The following MORC3 variants were observed in gnomAD, a reference collection of about 807,000 sequenced individuals.
MORC3 encodes the protein MORC family CW-type zinc finger protein 3.
Under a neutral mutation model 109.1 loss-of-function variants are expected in MORC3, and 31 were observed. The ratio of observed to expected loss-of-function variants is 0.28; its 90% CI spans 0.21 to 0.38. MORC3 has a LOEUF of 0.38. Among genes scored for constraint, MORC3 ranks in the 10% least tolerant of loss-of-function variants. MORC3 has a pLI of 1.00. For synonymous variants in MORC3, 395 were observed against 380.7 expected (o/e 1.04, Z -0.44); for missense variants, 867 against 1,135.8 (o/e 0.76, Z 3.40).
At chr21:36,355,967 A>G (rs1401256955) in intron 9 of MORC3, among the ~76,000 whole-genome samples, 5 of 152,098 alleles carry the variant, frequency 3.3e-5, no homozygotes, top group Admixed American at 6.6e-5. Context: ...GTGTTTTTCA[A>G]GGTTTACAGT....
In MORC3 at chr21:36,375,525, T is replaced by G. The variant is rs989023633; in HGVS notation, c.*229T>G. On this transcript the variant is annotated 3_prime_UTR_variant, in exon 17 of 17. Coordinates refer to ENST00000400485, the MANE Select transcript of MORC3 (RefSeq NM_015358.3). ...AGCAGCTGAAGCTAACTCATGACTC[T>G]GTTTTGAATGTAAATATTTGTAATT... is the stretch of plus-strand genomic sequence containing the variant. The G allele has an allele frequency of 5.3e-6, 2 of 378,550 alleles. No homozygotes were observed. The highest frequency in any genetic ancestry group is 4.4e-5 in the Admixed American group (1 of 22,824). 23.4% of individuals were successfully genotyped at this position (378,550 alleles called of 1,614,324 possible). A position where few individuals can be genotyped will look rare whatever the true frequency, so the allele number is the denominator to read the frequency against.
intron 6 of MORC3, among the ~76,000 whole-genome samples, chr21:36,342,883 G>T (rs1180656569): frequency 6.6e-6 from 1 of 151,614 alleles, no homozygotes; most frequent in Admixed American, 6.6e-5. Context: ...GCTGGGCACG[G>T]TTGCGGGAGC....
chr21:36,328,444 T>G (rs1467814519), intron 1 of MORC3, among the ~76,000 whole-genome samples: 1 of 149,984 alleles, frequency 6.7e-6, no homozygotes, highest in East Asian at 2.0e-4. Flanking sequence ...TGGGTTCAAG[T>G]GATTCTCCCG....
chr21:36,329,130 C>G (rs2085283778), intron 1 of MORC3, among the ~76,000 whole-genome samples: 1 of 151,674 alleles, frequency 6.6e-6, no homozygotes, highest in South Asian at 2.1e-4. Context: ...ATGTCTCTAC[C>G]AAAAATACAA....
intron 10 of MORC3, among the ~76,000 whole-genome samples, chr21:36,359,556 C>CTTTTTTTTTTTTTTTTTTTTTT (rs5843757): frequency 4.3e-5 from 4 of 93,952 alleles, no homozygotes; most frequent in East Asian, 3.2e-4. Flanking sequence ...CTTTCCTCTC[C>CTTTTTTTTTTTTTTTTTTTTTT]TTTTTTTTTT....
intron 14 of MORC3, among the ~76,000 whole-genome samples, chr21:36,366,344 A>G (rs2085781364): frequency 6.6e-6 from 1 of 152,048 alleles, no homozygotes. Flanking sequence ...AGCTGCATTC[A>G]TGTTGTTGCA....
intron 1 of MORC3, among the ~76,000 whole-genome samples, chr21:36,320,881 G>T (rs1406689950): frequency 6.6e-6 from 1 of 152,198 alleles, no homozygotes; most frequent in Non-Finnish European, 1.5e-5. Flanking sequence ...ATCCCGCGTT[G>T]CGTCTGTTTT....
chr21:36,332,122 CAGAG>C (rs2085322785), intron 1 of MORC3, among the ~76,000 whole-genome samples: 1 of 150,896 alleles, frequency 6.6e-6, no homozygotes, highest in Admixed American at 6.6e-5. Flanking sequence ...GCCTGGGCAG[CAGAG>C]AGAGACTATC....
chr21:36,323,879 GTT>G (rs533635032), intron 1 of MORC3, among the ~76,000 whole-genome samples: 1 of 143,948 alleles, frequency 6.9e-6, no homozygotes, highest in Non-Finnish European at 1.5e-5. Context: ...TTACCATAGT[GTT>G]TTTTTTTTTT....
At chr21:36,339,797 A>G (rs890714443) in intron 5 of MORC3, among the ~76,000 whole-genome samples, 11 of 152,234 alleles carry the variant, frequency 7.2e-5, no homozygotes, top group Admixed American at 1.3e-4. Context: ...TAAAGAACTG[A>G]AAAAACTTGT....
rs771927901 is a variant in MORC3 at position 36,369,282 on chromosome 21, A to G, written c.1914A>G (p.Ala638=). The change falls in exon 15 of 17, where the codon GCA becomes GCG. Residue 638 remains alanine, a synonymous_variant. Coordinates refer to ENST00000400485, the MANE Select transcript of MORC3 (RefSeq NM_015358.3). The part of the protein sequence containing the change: ...SSSRCDQGNT[A]ATQTEVPSLV... ...CCCGATGCGACCAGGGAAATACTGC[A>G]GCTACCCAGACTGAAGTACCAAGTT... The G allele has an allele frequency of 1.2e-6, 2 of 1,614,242 alleles. No homozygotes were observed. The highest frequency in any genetic ancestry group is 1.7e-6 in the Non-Finnish European group (2 of 1,180,050).
intron 9 of MORC3, among the ~76,000 whole-genome samples, chr21:36,351,261 G>C (rs528920378): frequency 1.3e-5 from 2 of 151,788 alleles, no homozygotes; most frequent in African/African-American, 4.8e-5. Flanking sequence ...TAGAGATGGG[G>C]TTTACTATTT....
At position 36,338,832 on chromosome 21, in the gene MORC3, T is replaced by C. The variant is rs1488552790; in HGVS notation, c.519T>C (p.Ser173=). Residue 173 remains serine, a synonymous_variant, in exon 5 of 17, where the codon TCT becomes TCC. Coordinates refer to ENST00000400485, the MANE Select transcript of MORC3 (RefSeq NM_015358.3). ...KASLAAILEH[S]LFSTEQKLLA... Reference sequence around the variant, plus strand: ...GCCTTGCTGCAATTCTGGAACATTCTCTGTTTTCCACGGAACAGAAGTTAC... The same window carrying C: ...GCCTTGCTGCAATTCTGGAACATTCCCTGTTTTCCACGGAACAGAAGTTAC... 5.6e-6 allele frequency: 9 copies of C among 1,613,984 alleles called. No homozygotes were observed. Among genetic ancestry groups the C allele is most frequent in the Admixed American group, 1.7e-5 (1 of 59,988 alleles).
chr21:36,364,360 A>C (rs1664940014), intron 14 of MORC3, 101 bp downstream of exon 14: 20 of 1,252,910 alleles, frequency 1.6e-5, no homozygotes, highest in Non-Finnish European at 2.1e-5. Flanking sequence ...TGTAGGTTCC[A>C]TTGTGAATTG....
intron 2 of MORC3, 133 bp from the exon 3 acceptor site, chr21:36,336,741 A>C: frequency 1.3e-6 from 1 of 799,112 alleles, no homozygotes; most frequent in South Asian, 3.1e-5. Flanking sequence ...TTTAAATTTT[A>C]AAGCTGCTAA....
intron 4 of MORC3, 115 bp from the exon 5 acceptor site, chr21:36,338,659 A>AT: frequency 9.4e-7 from 1 of 1,065,806 alleles, no homozygotes; most frequent in South Asian, 1.9e-5. Flanking sequence ...AAAAAAAAAA[A>AT]CCTTAGAAAA....
intron 1 of MORC3, among the ~76,000 whole-genome samples, chr21:36,326,310 G>C (rs2085247560): frequency 6.6e-6 from 1 of 152,040 alleles, no homozygotes; most frequent in African/African-American, 2.4e-5. Context: ...GATCACTTGA[G>C]ATCAGGAGTT....
chr21:36,375,705 T>A lies in MORC3; in HGVS notation c.*409T>A, dbSNP rs1199605019. On this transcript the variant is annotated 3_prime_UTR_variant, in exon 17 of 17. Transcript: ENST00000400485. Reference sequence around the variant, plus strand: ...CTATGCCATAATACAAATGGAAATGTTACCTTTGATTTTCTTATAAAGGAG... The same window carrying A: ...CTATGCCATAATACAAATGGAAATGATACCTTTGATTTTCTTATAAAGGAG... 1 of 153,652 alleles carries A rather than the reference T, an allele frequency of 6.5e-6. No homozygotes were observed. Among genetic ancestry groups the A allele is most frequent in the African/African-American group, 2.4e-5 (1 of 41,482 alleles). 9.5% of individuals were successfully genotyped at this position (153,652 alleles called of 1,614,324 possible).
In MORC3 at chr21:36,371,959, G is replaced by A. The variant is rs1045939203; in HGVS notation, c.2509-415G>A. Among the ~76,000 whole-genome samples the A allele has an allele frequency of 2.0e-5, 3 of 152,014 alleles. 1 individual carries two copies. Among genetic ancestry groups the A allele is most frequent in the South Asian group, 4.2e-4 (2 of 4,810 alleles). On this transcript the variant is annotated intron_variant, in intron 15 of 16. Transcript: ENST00000400485. Reference sequence around the variant, plus strand: ...CTCCCGAGTAGCTGAGATTACAGGCGGCTGCCATCACACCCAGCTAATTTT... The same window carrying A: ...CTCCCGAGTAGCTGAGATTACAGGCAGCTGCCATCACACCCAGCTAATTTT...
Sources: gnomAD v4.1 joint callset for allele counts (sites outside exome capture counted in the v4.1 genomes callset) on GRCh38, gnomAD v4.1.1 for gene constraint, MANE v1.5 for transcripts, NCBI Gene and HGNC (gene_info 2026-07-23, HGNC 2026-07-21) for gene names.